STK3: variants seen among roughly 807,000 people sequenced by gnomAD.
STK3 encodes serine/threonine-protein kinase 3.
In STK3, 41 loss-of-function variants were observed where a neutral mutation model predicts 58.0. The observed-to-expected ratio is 0.71, with a 90% CI of 0.55 to 0.92. STK3 has a LOEUF of 0.92. STK3 is among the 40% of genes least tolerant of loss of function. The probability of loss-of-function intolerance (pLI) is 0.00; values close to 1 mark genes in which losing one functional copy is unlikely to be tolerated. For missense variants in STK3, 479 were observed against 602.7 expected (o/e 0.79, Z 2.15); for synonymous variants, 170 against 191.0 (o/e 0.89, Z 0.91).
chr8:98,428,200 AC>A lies in STK3; in HGVS notation n.483+5926del. On this transcript the variant is annotated intron_variant and non_coding_transcript_variant, in intron 3 of 3. Coordinates refer to the STK3 transcript ENST00000517832. The surrounding 1 kb of genome is among the most constrained non-coding windows in gnomAD (Gnocchi z 6.7). ...CAGCGGGAGTTCTACTTCGACCGCA[AC>A]CCTGAGCTCTTCCCCTACGTGCTGC... 6.2e-7 allele frequency: 1 copy of A among 1,614,058 alleles called. No individual in the cohort carries two copies. The highest frequency in any genetic ancestry group is 8.5e-7 in the Non-Finnish European group (1 of 1,180,012).
intron 3 of STK3, among the ~76,000 whole-genome samples, chr8:98,394,400 G>T (rs530741457): frequency 5.3e-5 from 8 of 152,156 alleles, no homozygotes; most frequent in African/African-American, 1.9e-4. Context: ...GAAGTTTTCA[G>T]CCAGGCACAG....
At chr8:98,914,372 C>T (rs1839261340) in intron 1 of STK3, among the ~76,000 whole-genome samples, 1 of 151,886 alleles carries the variant, frequency 6.6e-6, no homozygotes, top group African/African-American at 2.4e-5. Context: ...TGTGCCATTG[C>T]CTTCCAGCTT....
chr8:98,406,371 C>T (rs890773885), intron 3 of STK3, among the ~76,000 whole-genome samples: 25 of 152,142 alleles, frequency 1.6e-4, no homozygotes, highest in African/African-American at 6.0e-4. Flanking sequence ...GTGTTGCTGG[C>T]ATTTGGTGTA....
Position 98,926,885 on chromosome 8 carries a change from A to C in STK3, c.-79+15493T>G, listed in dbSNP as rs557631848. Among the ~76,000 whole-genome samples the C allele has an allele frequency of 3.3e-5, 5 of 152,316 alleles. No homozygotes were observed. In the East Asian group the frequency reaches 9.6e-4, roughly 29 times the overall value. On this transcript the variant is annotated intron_variant, in intron 1 of 1. Transcript: ENST00000519420. Reference sequence around the variant, plus strand: ...TGGCCCAAAACCAGTAGGCAAGGCAAGGTACTGAGAAGTTCCAGGCAGCAG... The same window carrying C: ...TGGCCCAAAACCAGTAGGCAAGGCACGGTACTGAGAAGTTCCAGGCAGCAG...
chr8:98,701,926 T>C (rs2131038875), intron 6 of STK3, among the ~76,000 whole-genome samples: 1 of 152,328 alleles, frequency 6.6e-6, no homozygotes, highest in Non-Finnish European at 1.5e-5. Flanking sequence ...CATTTGCCAC[T>C]ACTCACTAAT....
chr8:98,475,239 C>T (rs555819368), intron 10 of STK3, among the ~76,000 whole-genome samples: 41 of 152,100 alleles, frequency 2.7e-4, no homozygotes, highest in Non-Finnish European at 4.7e-4. Context: ...GAGTAGGAGC[C>T]GGAAGCTTTG....
chr8:98,840,668 A>C (rs1835948941), intron 3 of STK3, among the ~76,000 whole-genome samples: 1 of 148,558 alleles, frequency 6.7e-6, no homozygotes, highest in African/African-American at 2.5e-5. Flanking sequence ...ATACACACAC[A>C]TAACTTATTA....
At chr8:98,451,050 T>C (rs1819175596), downstream of STK3, among the ~76,000 whole-genome samples, 1 of 152,204 alleles carries the variant, frequency 6.6e-6, no homozygotes, top group South Asian at 2.1e-4. Flanking sequence ...CCAAAGGGAA[T>C]ATGCATCTTC....
chr8:98,808,442 C>A (rs1014293401), intron 1 of STK3, among the ~76,000 whole-genome samples: 5 of 152,176 alleles, frequency 3.3e-5, no homozygotes, highest in Admixed American at 6.5e-5. Flanking sequence ...AGTTTGTGGA[C>A]AGGTTGTAAC....
chr8:98,451,843 A>G (rs188713021), downstream of STK3, among the ~76,000 whole-genome samples: 1 of 152,024 alleles, frequency 6.6e-6, no homozygotes, highest in Non-Finnish European at 1.5e-5. Context: ...ACGGCAAAGA[A>G]AAATAGTTCT....
intron 3 of STK3, among the ~76,000 whole-genome samples, chr8:98,853,847 T>C (rs1384815523): frequency 6.6e-6 from 1 of 152,216 alleles, no homozygotes; most frequent in Non-Finnish European, 1.5e-5. Flanking sequence ...AGTTTGTAAT[T>C]TTTTATAATG....
intron 1 of STK3, among the ~76,000 whole-genome samples, chr8:98,931,224 C>T (rs993441065): frequency 6.6e-6 from 1 of 152,136 alleles, no homozygotes; most frequent in African/African-American, 2.4e-5. Context: ...GGCCCCTGGG[C>T]AGTGTTTTGT....
At chr8:98,370,195 G>T (rs567966960), downstream of STK3, among the ~76,000 whole-genome samples, 2 of 151,644 alleles carry the variant, frequency 1.3e-5, no homozygotes, top group African/African-American at 4.8e-5. Flanking sequence ...GGGAACCCTG[G>T]GCCTCCCAGG....
chr8:98,561,632 T>C lies in STK3; in HGVS notation c.949-13471A>G, dbSNP rs1183765904. On this transcript the variant is annotated intron_variant, in intron 8 of 10. Transcript: ENST00000419617. Reference sequence around the variant, plus strand: ...ATGATCATCCACTGCACTCAGCTTGTGCGAAAGAATGAGACCCTGTCTCTA... The same window carrying C: ...ATGATCATCCACTGCACTCAGCTTGCGCGAAAGAATGAGACCCTGTCTCTA... Among the ~76,000 whole-genome samples, 7 of 152,072 alleles carry C rather than the reference T, an allele frequency of 4.6e-5. No homozygotes were observed. In the South Asian group the frequency reaches 8.3e-4, roughly 18 times the overall value.
At chr8:98,427,433 G>T (rs991257052) in intron 3 of STK3, 3 of 152,134 alleles carry the variant, frequency 2.0e-5, no homozygotes, top group Non-Finnish European at 4.4e-5. Context: ...GGGAGACCTG[G>T]GCCGGGGACG....
intron 9 of STK3, among the ~76,000 whole-genome samples, chr8:98,547,259 T>C (rs1810772459): frequency 6.6e-6 from 1 of 152,174 alleles, no homozygotes; most frequent in Non-Finnish European, 1.5e-5. Context: ...AGAAAATTCA[T>C]TTTTGCCTAT....
chr8:98,690,777 A>T (rs1824348038), intron 6 of STK3, among the ~76,000 whole-genome samples: 1 of 152,228 alleles, frequency 6.6e-6, no homozygotes. Context: ...CAGAGACATC[A>T]ATTTACCTGA....
chr8:98,606,584 G>T (rs1325914693), intron 6 of STK3, among the ~76,000 whole-genome samples: 1 of 152,208 alleles, frequency 6.6e-6, no homozygotes, highest in Non-Finnish European at 1.5e-5. Context: ...CTGACCTCTG[G>T]TGAGTGGATA....
chr8:98,755,044 GAAAACTTTGGC>G (rs1027933726), intron 3 of STK3, among the ~76,000 whole-genome samples: 4 of 152,168 alleles, frequency 2.6e-5, no homozygotes, highest in African/African-American at 9.7e-5. Flanking sequence ...TAAGTCAAGA[GAAAACTTTGGC>G]AAAACGTAAA....
Sources: allele counts gnomAD v4.1 joint callset (sites outside exome capture counted in the v4.1 genomes callset), GRCh38; gene constraint gnomAD v4.1.1; non-coding constraint Gnocchi (gnomAD v3.1); transcripts MANE v1.5; gene names NCBI Gene and HGNC (gene_info 2026-07-23, HGNC 2026-07-21).